The following PISD variants were observed in gnomAD, a reference collection of about 807,000 sequenced individuals.
PISD encodes phosphatidylserine decarboxylase, also known as phosphatidylserine decarboxylase proenzyme, mitochondrial.
A neutral mutation model predicts 43.5 loss-of-function variants in PISD; 31 were observed. The observed-to-expected ratio is 0.71, with a 90% CI of 0.54 to 0.96. The LOEUF (loss-of-function observed/expected upper bound fraction) is 0.96, where lower values mean the gene tolerates loss of function less well. Among genes scored for constraint, PISD ranks in the 40% least tolerant of loss-of-function variants. The pLI is 0.00. For missense variants in PISD, 523 were observed against 548.4 expected (o/e 0.95, Z 0.46); for synonymous variants, 259 against 228.7 (o/e 1.13, Z -1.20).
At chr22:31,642,088 G>A (rs2147762828) in intron 3 of PISD, among the ~76,000 whole-genome samples, 1 of 151,242 alleles carries the variant, frequency 6.6e-6, no homozygotes, top group South Asian at 2.1e-4. Context: ...AAGACCACCA[G>A]TATACCAGAA....
Position 31,630,986 on chromosome 22 carries a change from G to T in PISD, c.322-9101C>A. 2 of 472,786 alleles carry T rather than the reference G, an allele frequency of 4.2e-6. No individual in the cohort carries two copies. Among genetic ancestry groups the T allele is most frequent in the Non-Finnish European group, 5.5e-6 (2 of 361,100 alleles). 29.3% of individuals were successfully genotyped at this position (472,786 alleles called of 1,614,324 possible). A position where few individuals can be genotyped will look rare whatever the true frequency, so the allele number is the denominator to read the frequency against. ...CTCTGAGCCCCAGTCCTGCTGGGCC[G>T]TCCGCCCAACCCGAGGGCCCCTTTA... On this transcript the variant is annotated intron_variant, in intron 3 of 7. Coordinates refer to ENST00000439502, the MANE Select transcript of PISD (RefSeq NM_001326411.2). The surrounding 1 kb of genome is among the most constrained non-coding windows in gnomAD (Gnocchi z 4.4).
chr22:31,625,875 T>C (rs571601711), intron 3 of PISD: 1 of 1,552,926 alleles, frequency 6.4e-7, no homozygotes, highest in South Asian at 1.2e-5. Context: ...TTTTCCTCTT[T>C]CCTCCCCTTC....
intron 3 of PISD, among the ~76,000 whole-genome samples, chr22:31,634,268 T>C (rs2073327906): frequency 1.3e-5 from 2 of 152,324 alleles, no homozygotes; most frequent in Non-Finnish European, 2.9e-5. Flanking sequence ...GCTGGGGTCT[T>C]AACGGCTAGT....
In PISD at chr22:31,621,783, G is replaced by A. The variant is rs1196502758; in HGVS notation, c.424C>T (p.Leu142=). Residue 142 remains leucine (L), a synonymous_variant, in exon 4 of 8, where the codon CTG becomes TTG. Coordinates refer to ENST00000439502, the MANE Select transcript of PISD (RefSeq NM_001326411.2). ...TTCACCCCAAACGTCCAGATGTACA[G>A]GCTGTAGACGGGCCTGCGCAGCCAG... is the stretch of plus-strand genomic sequence containing the variant. The part of the protein sequence containing the change: ...PHWLRRPVYS[L]YIWTFGVNMK... 2.5e-6 allele frequency: 4 copies of A among 1,613,892 alleles called. No homozygotes were observed. The highest frequency in any genetic ancestry group is 1.3e-5 in the African/African-American group (1 of 74,940).
intron 3 of PISD, among the ~76,000 whole-genome samples, chr22:31,627,714 A>C (rs2072985615): frequency 6.6e-6 from 1 of 152,220 alleles, no homozygotes; most frequent in African/African-American, 2.4e-5. Flanking sequence ...CTGACCTACC[A>C]TGTGGGACAG....
intron 1 of PISD, among the ~76,000 whole-genome samples, chr22:31,660,508 T>A (rs965158296): frequency 6.6e-6 from 1 of 151,672 alleles, no homozygotes; most frequent in Non-Finnish European, 1.5e-5. Flanking sequence ...CCAAAAAAAA[T>A]GCAGCTGGGC....
At chr22:31,656,335 G>A (rs963304847) in intron 1 of PISD, among the ~76,000 whole-genome samples, 2 of 151,446 alleles carry the variant, frequency 1.3e-5, no homozygotes, top group Non-Finnish European at 2.9e-5. Context: ...GACAGAGCGA[G>A]ACTCTGTCTG....
At chr22:31,625,341 T>C (rs1248146128) in intron 3 of PISD, among the ~76,000 whole-genome samples, 3 of 152,170 alleles carry the variant, frequency 2.0e-5, no homozygotes, top group Non-Finnish European at 4.4e-5. Flanking sequence ...CCCTCTGGCT[T>C]TGCCACCTGC....
chr22:31,622,944 G>C (rs764038382), intron 3 of PISD, among the ~76,000 whole-genome samples: 1 of 152,222 alleles, frequency 6.6e-6, no homozygotes, highest in Non-Finnish European at 1.5e-5. Flanking sequence ...CCAAGGTAAG[G>C]TAAGCTCCCA....
chr22:31,619,887 T>A, intron 7 of PISD, 51 bp from the exon 8 acceptor site: 1 of 1,222,742 alleles, frequency 8.2e-7, no homozygotes, highest in East Asian at 2.4e-5. Flanking sequence ...AAGTGCACAG[T>A]GTCACCCCCA....
rs772225841 is a variant in PISD at position 31,621,875 on chromosome 22, T to C, written c.332A>G (p.Tyr111Cys). ...CAGCAAGCGCGTTGGCACTGACTTG[T>C]ACAAAGCCACCTGCAGGCCACAGGG... is the stretch of plus-strand genomic sequence containing the variant. ...KLAGHWEVAL[Y>C]KSVPTRLLSR... is the part of the protein sequence containing the mutation. The change falls in exon 4 of 8, where the codon TAC becomes TGC. Residue 111 changes from tyrosine (Y) to cysteine (C), a missense_variant. Tyr to Cys is a radical substitution (Grantham distance 194). Coordinates refer to ENST00000439502, the MANE Select transcript of PISD (RefSeq NM_001326411.2). 16 of 1,607,754 alleles carry C rather than the reference T, an allele frequency of 1.0e-5. No individual in the cohort carries two copies. The highest frequency in any genetic ancestry group is 1.3e-5 in the Non-Finnish European group (15 of 1,179,796).
chr22:31,625,492 C>G (rs964248152), intron 3 of PISD: 1 of 569,062 alleles, frequency 1.8e-6, no homozygotes, highest in Non-Finnish European at 3.1e-6. Flanking sequence ...CTGGGAGCAC[C>G]AGGGTAGGGA....
Position 31,630,619 on chromosome 22 carries a change from C to T in PISD, c.322-8734G>A, listed in dbSNP as rs1466174387. The T allele has an allele frequency of 4.6e-6, 3 of 656,512 alleles. No individual in the cohort carries two copies. Among genetic ancestry groups the T allele is most frequent in the East Asian group, 2.7e-4 (2 of 7,306 alleles). 40.7% of individuals were successfully genotyped at this position (656,512 alleles called of 1,614,324 possible). ...AAAAAAAGCCCACGACTCGCTCAACCTTGTCCGCGGGGCTCCTCAGGCCGG... is the reference window on the plus strand; with the variant it reads ...AAAAAAAGCCCACGACTCGCTCAACTTTGTCCGCGGGGCTCCTCAGGCCGG... On this transcript the variant is annotated intron_variant, in intron 3 of 7. Coordinates refer to ENST00000439502, the MANE Select transcript of PISD (RefSeq NM_001326411.2). The surrounding 1 kb of genome is among the most constrained non-coding windows in gnomAD (Gnocchi z 4.4).
rs1442351651 is a variant in PISD at position 31,619,842 on chromosome 22, G to GTGAT, written c.1006-10_1006-7dup. 2.0e-5 allele frequency: 32 copies of GTGAT among 1,605,228 alleles called. No homozygotes were observed. The highest frequency in any genetic ancestry group is 2.6e-5 in the Non-Finnish European group (31 of 1,173,300). ...GGGCTGTTTGTGTGCAGGTCCTGTG[G>GTGAT]TGATAGGCTGGGGGTCAGTGGGGCC... On this transcript the variant is annotated splice_polypyrimidine_tract_variant and splice_region_variant and intron_variant, in intron 7 of 7. Coordinates refer to ENST00000439502, the MANE Select transcript of PISD (RefSeq NM_001326411.2).
intron 1 of PISD, among the ~76,000 whole-genome samples, chr22:31,661,404 C>A (rs556551372): frequency 2.6e-5 from 4 of 152,214 alleles, no homozygotes; most frequent in African/African-American, 9.6e-5. Context: ...CATTTTAATC[C>A]ATTTTCCGAC....
chr22:31,656,584 G>A (rs2074183307), intron 1 of PISD, among the ~76,000 whole-genome samples: 1 of 151,926 alleles, frequency 6.6e-6, no homozygotes, highest in South Asian at 2.1e-4. Context: ...GGGAGACGGA[G>A]GTTGCAGGGA....
rs2072334266 is a variant in PISD, at chr22:31,619,183, C to T, written c.*429G>A. 1.0e-5 allele frequency: 3 copies of T among 298,742 alleles called. No individual in the cohort carries two copies. The highest frequency in any genetic ancestry group is 2.8e-5 in the South Asian group (1 of 35,458). 18.5% of individuals were successfully genotyped at this position (298,742 alleles called of 1,614,324 possible). A position where few individuals can be genotyped will look rare whatever the true frequency, so the allele number is the denominator to read the frequency against. ...CAGTCTGTGCCAAGGAGGCACCTCA[C>T]CCTGTGCAGCAGGAGCGTTAAGGCC... On this transcript the variant is annotated 3_prime_UTR_variant, in exon 8 of 8. Transcript: ENST00000439502.
At chr22:31,640,575 GTTTTTTTT>G (rs759964791) in intron 3 of PISD, among the ~76,000 whole-genome samples, 1 of 91,254 alleles carries the variant, frequency 1.1e-5, no homozygotes, top group Non-Finnish European at 1.9e-5. Flanking sequence ...CGGTTTGGTT[GTTTTTTTT>G]TTTTTTTTTT....
chr22:31,649,455 T>A (rs1453547062), intron 2 of PISD, among the ~76,000 whole-genome samples: 1 of 152,142 alleles, frequency 6.6e-6, no homozygotes, highest in African/African-American at 2.4e-5. Context: ...GGTTGCAGGC[T>A]GGGCATGGTG....
Sources: gnomAD v4.1 joint callset for allele counts (sites outside exome capture counted in the v4.1 genomes callset) on GRCh38, gnomAD v4.1.1 for gene constraint, Gnocchi (gnomAD v3.1) non-coding constraint, MANE v1.5 for transcripts, NCBI Gene and HGNC (gene_info 2026-07-23, HGNC 2026-07-21) for gene names.